Variants in COL24A1 observed in about 807,000 individuals in gnomAD.
The protein encoded by COL24A1 is collagen type XXIV alpha 1 chain, also known as collagen alpha-1(XXIV) chain.
Under a neutral mutation model 253.9 loss-of-function variants are expected in COL24A1, and 224 were observed. The observed-to-expected ratio is 0.88, with a 90% CI of 0.79 to 0.99. The LOEUF is 0.99. COL24A1 is among the 50% of genes least tolerant of loss of function. The pLI is 0.00. For synonymous variants in COL24A1, 685 were observed against 673.7 expected, an observed-to-expected ratio of 1.02 and a Z score of -0.26; for missense variants, 2,131 against 2,068.5, an observed-to-expected ratio of 1.03 and a Z score of -0.59.
At chr1:85,919,286 C>A (rs888560969) in intron 24 of COL24A1, among the ~76,000 whole-genome samples, 2 of 152,214 alleles carry the variant, frequency 1.3e-5, no homozygotes, top group African/African-American at 2.4e-5. Flanking sequence ...TCCTTTTAAG[C>A]TGATATGACA....
chr1:85,840,393 T>G lies in COL24A1; in HGVS notation c.3627+829A>C, dbSNP rs993099886. Among the ~76,000 whole-genome samples, 7 of 152,146 alleles carry G rather than the reference T, an allele frequency of 4.6e-5. No individual in the cohort carries two copies. In the East Asian group the frequency reaches 1.3e-3, roughly 29 times the overall value. ...TGCCTCTATATGAGATGGCTTGATT[T>G]AATCAGAAAAATTAGAATCTTTCTT... On this transcript the variant is annotated intron_variant, in intron 42 of 59. Coordinates refer to ENST00000370571, the MANE Select transcript of COL24A1 (RefSeq NM_152890.7).
intron 47 of COL24A1, among the ~76,000 whole-genome samples, chr1:85,812,619 G>A (rs1558219247): frequency 1.3e-5 from 2 of 152,160 alleles, no homozygotes; most frequent in East Asian, 3.9e-4. Context: ...TGATAAGAAG[G>A]TCCGAGGAAG....
rs1304319822 is a variant in COL24A1 at position 85,889,585 on chromosome 1, C to T, written c.2951G>A (p.Gly984Asp). 1 of 1,613,246 alleles carries T rather than the reference C, an allele frequency of 6.2e-7. No homozygotes were observed. The highest frequency in any genetic ancestry group is 1.1e-5 in the South Asian group (1 of 91,038). Residue 984 changes from glycine to aspartate, a missense_variant, in exon 32 of 60, where the codon GGT (glycine) becomes GAT (aspartate). Physicochemically the swap from Gly to Asp is moderately conservative, Grantham distance 94 (BLOSUM62 -1). Coordinates refer to ENST00000370571, the MANE Select transcript of COL24A1 (RefSeq NM_152890.7). ...PGLQGLPGST[G>D]DRGLPGEPGL... ...TGGCTCTCCTGGAAGTCCTCTGTCA[C>T]CTGTACTTCCAGGCAATCCCTGTAA... is the stretch of plus-strand genomic sequence containing the variant.
chr1:86,092,383 T>A (rs528090652), intron 5 of COL24A1, 63 bp from the exon 6 acceptor site: 3 of 1,199,464 alleles, frequency 2.5e-6, no homozygotes, highest in African/African-American at 3.0e-5. Context: ...GTCATATATC[T>A]TCAGGTATTT....
At chr1:85,964,769 C>A (rs903159271) in intron 23 of COL24A1, among the ~76,000 whole-genome samples, 4 of 151,822 alleles carry the variant, frequency 2.6e-5, no homozygotes, top group Non-Finnish European at 5.9e-5. Context: ...TTTAAAACTC[C>A]AAAAAAATTG....
intron 19 of COL24A1, among the ~76,000 whole-genome samples, chr1:86,009,876 AG>A (rs1310880079): frequency 6.6e-6 from 1 of 152,182 alleles, no homozygotes; most frequent in East Asian, 1.9e-4. Context: ...GTTTTATATG[AG>A]GCCCATCGTT....
At chr1:85,984,770 A>G (rs1011058400) in intron 20 of COL24A1, among the ~76,000 whole-genome samples, 1 of 151,802 alleles carries the variant, frequency 6.6e-6, no homozygotes, top group Non-Finnish European at 1.5e-5. Flanking sequence ...CAAACTAAAT[A>G]TAACCAGAAT....
intron 12 of COL24A1, among the ~76,000 whole-genome samples, chr1:86,042,043 G>A (rs1011445893): frequency 2.0e-5 from 3 of 152,108 alleles, no homozygotes; most frequent in African/African-American, 4.8e-5. Flanking sequence ...GACATGTAGG[G>A]AGTGCAGGAG....
chr1:86,065,916 G>A (rs1341534436), intron 7 of COL24A1, among the ~76,000 whole-genome samples: 1 of 152,186 alleles, frequency 6.6e-6, no homozygotes, highest in Non-Finnish European at 1.5e-5. Flanking sequence ...CTAAGAGGAA[G>A]AGTAGGGTCG....
chr1:85,881,986 C>T (rs910411205), intron 32 of COL24A1, among the ~76,000 whole-genome samples: 1 of 152,136 alleles, frequency 6.6e-6, no homozygotes, highest in Admixed American at 6.5e-5. Context: ...AAATTTCCCT[C>T]TAGGCACTGC....
chr1:86,142,541 C>CA (rs373720712), intron 2 of COL24A1, among the ~76,000 whole-genome samples: 5,380 of 143,356 alleles, frequency 0.038, 148 homozygotes, highest in East Asian at 0.11. Context: ...AAACAAAAAA[C>CA]AAAAAACAAA....
At chr1:85,789,566 GGACA>G (rs917474737) in intron 47 of COL24A1, among the ~76,000 whole-genome samples, 5 of 152,094 alleles carry the variant, frequency 3.3e-5, no homozygotes, top group Non-Finnish European at 5.9e-5. Context: ...TGTTTGCCCT[GGACA>G]GAACTTCCAA....
intron 48 of COL24A1, among the ~76,000 whole-genome samples, chr1:85,785,279 T>C (rs1558117558): frequency 6.6e-6 from 1 of 152,226 alleles, no homozygotes; most frequent in African/African-American, 2.4e-5. Flanking sequence ...ATTGAATTTC[T>C]AAAAGTCAAG....
At chr1:86,145,751 C>T (rs764351389) in intron 2 of COL24A1, among the ~76,000 whole-genome samples, 2 of 151,972 alleles carry the variant, frequency 1.3e-5, no homozygotes, top group African/African-American at 4.8e-5. Context: ...CTGGACGGAA[C>T]ATTTTTTATA....
intron 23 of COL24A1, among the ~76,000 whole-genome samples, chr1:85,963,558 T>G (rs1168976064): frequency 1.3e-5 from 2 of 152,120 alleles, no homozygotes; most frequent in Non-Finnish European, 2.9e-5. Flanking sequence ...AGAAGCTATT[T>G]CCCCAGGCCT....
chr1:85,771,444 T>C (rs568490655), intron 53 of COL24A1, among the ~76,000 whole-genome samples: 20 of 152,212 alleles, frequency 1.3e-4, no homozygotes, highest in Non-Finnish European at 2.5e-4. Context: ...TCCTTTTTTA[T>C]GGCTGCATAG....
chr1:85,982,382 A>G (rs183022290), intron 20 of COL24A1, among the ~76,000 whole-genome samples: 3 of 152,218 alleles, frequency 2.0e-5, no homozygotes, highest in African/African-American at 4.8e-5. Flanking sequence ...CAATACTGTA[A>G]ACAAATCAGT....
At chr1:85,967,698 G>T (rs1315639017) in intron 22 of COL24A1, among the ~76,000 whole-genome samples, 2 of 152,138 alleles carry the variant, frequency 1.3e-5, no homozygotes, top group Non-Finnish European at 2.9e-5. Flanking sequence ...CACCTCAGAA[G>T]ATCATCAGGC....
intron 24 of COL24A1, among the ~76,000 whole-genome samples, chr1:85,955,897 CA>C (rs967038370): frequency 7.9e-5 from 12 of 152,218 alleles, no homozygotes; most frequent in Admixed American, 4.6e-4. Flanking sequence ...TTCTCAGAGG[CA>C]AATAACATTT....
Sources: allele counts gnomAD v4.1 joint callset (sites outside exome capture counted in the v4.1 genomes callset), GRCh38; gene constraint gnomAD v4.1.1; transcripts MANE v1.5; gene names NCBI Gene and HGNC (gene_info 2026-07-23, HGNC 2026-07-21).